The following USP43 variants were observed in gnomAD, a reference collection of about 807,000 sequenced individuals.
The protein encoded by USP43 is ubiquitin specific peptidase 43, also known as ubiquitin carboxyl-terminal hydrolase 43.
A neutral mutation model predicts 90.7 loss-of-function variants in USP43; 33 were observed. The ratio of observed to expected loss-of-function variants is 0.36; its 90% CI spans 0.28 to 0.49. The LOEUF is 0.49. Ranked by LOEUF, USP43 falls within the 20% of genes least tolerant of loss-of-function variation. USP43 has a pLI of 0.98. For synonymous variants in USP43, 598 were observed against 615.8 expected, an observed-to-expected ratio of 0.97 and a Z score of 0.43; for missense variants, 1,274 against 1,476.4, an observed-to-expected ratio of 0.86 and a Z score of 2.25.
At chr17:9,726,911 C>T (rs1042591037) in intron 14 of USP43, among the ~76,000 whole-genome samples, 2 of 152,114 alleles carry the variant, frequency 1.3e-5, no homozygotes, top group Non-Finnish European at 2.9e-5. Context: ...TCAATGATTG[C>T]AGACATCATG....
intron 5 of USP43, 34 bp from the exon 6 acceptor site, chr17:9,680,197 A>G: frequency 1.2e-6 from 2 of 1,603,290 alleles, no homozygotes; most frequent in Non-Finnish European, 1.7e-6. Context: ...TCTCTTTCAG[A>G]AATCAAGAGG....
At position 9,656,453 on chromosome 17, in the gene USP43, C is replaced by T. The variant is rs371226379; in HGVS notation, c.555C>T (p.Asp185=). 1.6e-4 allele frequency: 259 copies of T among 1,610,524 alleles called. No individual in the cohort carries two copies. The highest frequency in any genetic ancestry group is 2.1e-4 in the Non-Finnish European group (251 of 1,178,508). ...GSQFQGNSQH[D]ALEFLLWLLD... The stretch of plus-strand genomic sequence containing the variant: ...AGTTCCAAGGCAATTCCCAGCACGA[C>T]GCCCTGGAATTCCTGCTCTGGTTGC... Residue 185 remains aspartate, a synonymous_variant, in exon 2 of 15, where the codon GAC becomes GAT. Transcript: ENST00000285199.
chr17:9,652,985 G>T (rs1181802598), intron 1 of USP43, among the ~76,000 whole-genome samples: 1 of 151,792 alleles, frequency 6.6e-6, no homozygotes, highest in African/African-American at 2.4e-5. Context: ...TTTATCATTT[G>T]TATTTCATCA....
intron 2 of USP43, 109 bp from the exon 3 acceptor site, chr17:9,666,539 C>T: frequency 3.5e-6 from 3 of 853,430 alleles, no homozygotes; most frequent in Non-Finnish European, 3.7e-6. Flanking sequence ...TACAGAGGCC[C>T]AGAAAGGGAT....
chr17:9,648,565 G>A (rs1433256075), intron 1 of USP43, among the ~76,000 whole-genome samples: 1 of 152,160 alleles, frequency 6.6e-6, no homozygotes, highest in Non-Finnish European at 1.5e-5. Context: ...TGGATTGGGG[G>A]AGATCCTGTG....
Position 9,645,939 on chromosome 17 carries a change from T to C in USP43, c.307T>C (p.Leu103=). The change falls in exon 1 of 15, where the codon TTG becomes CTG. Residue 103 remains leucine, a synonymous_variant. Transcript: ENST00000285199. The surrounding 1 kb of genome is among the most constrained non-coding windows in gnomAD (Gnocchi z 6.8). The part of the protein sequence containing the change: ...DGARPPGAQG[L]KNHGNTCFMN... ...GGCGCGGCCGCCGGGCGCTCAGGGCTTGAAGAACCACGGCAACACCTGTTT... is the reference window on the plus strand; with the variant it reads ...GGCGCGGCCGCCGGGCGCTCAGGGCCTGAAGAACCACGGCAACACCTGTTT... The C allele has an allele frequency of 6.8e-7, 1 of 1,480,722 alleles. No homozygotes were observed. The highest frequency in any genetic ancestry group is 1.5e-5 in the African/African-American group (1 of 67,800). 91.7% of individuals were successfully genotyped at this position (1,480,722 alleles called of 1,614,324 possible). A position where few individuals can be genotyped will look rare whatever the true frequency, so the allele number is the denominator to read the frequency against.
intron 2 of USP43, among the ~76,000 whole-genome samples, chr17:9,666,007 G>A (rs1273022002): frequency 1.3e-5 from 2 of 152,202 alleles, no homozygotes; most frequent in African/African-American, 4.8e-5. Context: ...CGTGAGAACT[G>A]TGAGAGAGTA....
rs111210313 is a variant in USP43, at chr17:9,715,669, G to C, written c.2335+3537G>C. On this transcript the variant is annotated intron_variant, in intron 14 of 14. Transcript: ENST00000285199. The stretch of plus-strand genomic sequence containing the variant: ...TGTGTGTCTCTATGTGTATGTGCCT[G>C]TGTGTGTGTCTGTGTGTATGTGTGT... Among the ~76,000 whole-genome samples, 1,324 of 149,150 alleles carry C rather than the reference G, an allele frequency of 8.9e-3. 21 individuals are homozygous for C. The highest frequency in any genetic ancestry group is 0.039 in the Middle Eastern group (11 of 280).
intron 14 of USP43, among the ~76,000 whole-genome samples, chr17:9,723,293 A>C (rs1917060616): frequency 6.6e-6 from 1 of 152,110 alleles, no homozygotes; most frequent in Non-Finnish European, 1.5e-5. Context: ...GAATATGCCT[A>C]GGTGCGGGTT....
At chr17:9,676,642 G>A (rs1913799144) in intron 4 of USP43, 104 bp from the exon 5 acceptor site, 10 of 1,406,698 alleles carry the variant, frequency 7.1e-6, no homozygotes, top group Middle Eastern at 1.9e-4. Flanking sequence ...AAAATGCTAG[G>A]ATTACAGGTG....
intron 1 of USP43, among the ~76,000 whole-genome samples, chr17:9,652,679 A>G (rs1911957638): frequency 6.6e-6 from 1 of 152,078 alleles, no homozygotes; most frequent in African/African-American, 2.4e-5. Flanking sequence ...TAGACTTTCT[A>G]GGGGAATGTC....
chr17:9,693,123 G>A lies in USP43; in HGVS notation c.1354-4G>A, dbSNP rs766621921. Reference sequence around the variant, plus strand: ...ATGATCCATGTCTGTTTTTGTCTTCGCAGAACCTGGGGTCTCTGTTCTCCA... The same window carrying A: ...ATGATCCATGTCTGTTTTTGTCTTCACAGAACCTGGGGTCTCTGTTCTCCA... On this transcript the variant is annotated splice_polypyrimidine_tract_variant and splice_region_variant and intron_variant, in intron 8 of 14. Coordinates refer to ENST00000285199, the MANE Select transcript of USP43 (RefSeq NM_153210.5). 4 of 1,612,426 alleles carry A rather than the reference G, an allele frequency of 2.5e-6. No homozygotes were observed. The highest frequency in any genetic ancestry group is 1.7e-4 in the Middle Eastern group (1 of 6,058).
intron 6 of USP43, among the ~76,000 whole-genome samples, chr17:9,681,315 T>TATAAATATATATATAA (rs1333159377): frequency 4.5e-5 from 5 of 110,782 alleles, no homozygotes; most frequent in Non-Finnish European, 8.5e-5. Context: ...GATAAATATA[T>TATAAATATATATATAA]ATAAATATAT....
upstream of USP43, chr17:9,645,321 C>T (rs964121125): frequency 2.9e-5 from 6 of 207,752 alleles, no homozygotes; most frequent in South Asian, 1.9e-4. This position sits in a 1 kb window ranked among gnomAD's most constrained non-coding sequence, Gnocchi z 6.8. Flanking sequence ...AGCGGCGAAA[C>T]CCAGGTCTGT....
At chr17:9,655,999 G>A (rs1173155671) in intron 1 of USP43, among the ~76,000 whole-genome samples, 1 of 152,198 alleles carries the variant, frequency 6.6e-6, no homozygotes, top group Non-Finnish European at 1.5e-5. Context: ...CCGTCTAGGT[G>A]AACAGAGAGA....
At chr17:9,665,279 A>T (rs1196312041) in intron 2 of USP43, among the ~76,000 whole-genome samples, 1 of 152,160 alleles carries the variant, frequency 6.6e-6, no homozygotes, top group Non-Finnish European at 1.5e-5. Context: ...TGTTGTCTGT[A>T]TTAGTCTGTT....
intron 2 of USP43, among the ~76,000 whole-genome samples, chr17:9,658,983 A>C (rs952385432): frequency 6.6e-6 from 1 of 152,144 alleles, no homozygotes; most frequent in Non-Finnish European, 1.5e-5. Flanking sequence ...TCACATGTCC[A>C]TTCCTGGGCA....
chr17:9,673,552 A>G (rs973183168), intron 3 of USP43, among the ~76,000 whole-genome samples: 3 of 152,176 alleles, frequency 2.0e-5, no homozygotes, highest in Non-Finnish European at 4.4e-5. Context: ...TCAGAGATCC[A>G]TTCTAAAGTA....
At chr17:9,670,239 A>G (rs959755491) in intron 3 of USP43, among the ~76,000 whole-genome samples, 3 of 151,778 alleles carry the variant, frequency 2.0e-5, no homozygotes, top group Non-Finnish European at 4.4e-5. Context: ...GGGTTTCATC[A>G]TGCTGGCCAG....
Sources: gnomAD v4.1 joint callset for allele counts (sites outside exome capture counted in the v4.1 genomes callset) on GRCh38, gnomAD v4.1.1 for gene constraint, Gnocchi (gnomAD v3.1) non-coding constraint, MANE v1.5 for transcripts, NCBI Gene and HGNC (gene_info 2026-07-23, HGNC 2026-07-21) for gene names.